The following TMEM50B variants were observed in gnomAD, a reference collection of about 807,000 sequenced individuals.
The protein encoded by TMEM50B is HCV p7-trans-regulated protein 3.
Under a neutral mutation model 23.4 loss-of-function variants are expected in TMEM50B, and 14 were observed. That is an observed-to-expected ratio of 0.60 (90% confidence interval 0.39 to 0.93). The LOEUF is 0.93. Ranked by LOEUF, TMEM50B falls within the 40% of genes least tolerant of loss-of-function variation. The pLI, the probability that TMEM50B is intolerant of heterozygous loss-of-function variation, is 0.00. For missense variants in TMEM50B, 159 were observed against 193.0 expected (o/e 0.82, Z 1.04); for synonymous variants, 64 against 62.3 (o/e 1.03, Z -0.13).
In TMEM50B at chr21:33,436,926, G is replaced by A. The variant is rs17885407; in HGVS notation, c.*2120+2288C>T. 4,212 of 1,613,946 alleles carry A rather than the reference G, an allele frequency of 2.6e-3. 12 individuals carry two copies. Among genetic ancestry groups the A allele is most frequent in the Non-Finnish European group, 3.4e-3 (3,960 of 1,179,970 alleles). On this transcript the variant is annotated intron_variant and NMD_transcript_variant, in intron 8 of 8. Coordinates refer to the TMEM50B transcript ENST00000420455. ...ACTCTGTGTCCATTATCTCGTTTCC[G>A]GAAAAGGAGCAAGAAGATGTTCTCC... is the stretch of plus-strand genomic sequence containing the variant.
intron 4 of TMEM50B, among the ~76,000 whole-genome samples, chr21:33,461,600 T>TC (rs2084217211): frequency 6.6e-6 from 1 of 152,002 alleles, no homozygotes; most frequent in Admixed American, 6.6e-5. Context: ...GCTCAGGAGT[T>TC]CGAGACCAGC....
intron 7 of TMEM50B, among the ~76,000 whole-genome samples, chr21:33,442,064 C>T (rs1359354002): frequency 1.3e-5 from 2 of 152,200 alleles, no homozygotes; most frequent in Non-Finnish European, 2.9e-5. Context: ...ATTCTGACAA[C>T]TTCCACACTA....
At chr21:33,464,804 C>CCAAAAAAAAAAAAAAAAAA (rs2084249852) in intron 4 of TMEM50B, among the ~76,000 whole-genome samples, 1 of 100,896 alleles carries the variant, frequency 9.9e-6, no homozygotes, top group Non-Finnish European at 2.2e-5. Flanking sequence ...AACTCCGTCT[C>CCAAAAAAAAAAAAAAAAAA]AAAAAAAAAA....
intron 8 of TMEM50B, chr21:33,437,071 T>G: frequency 9.0e-7 from 1 of 1,111,334 alleles, no homozygotes; most frequent in East Asian, 2.4e-5. Context: ...TTGCTGCCTC[T>G]AAAAGGCCTG....
At chr21:33,466,208 C>T (rs1345569285) in intron 3 of TMEM50B, among the ~76,000 whole-genome samples, 1 of 152,084 alleles carries the variant, frequency 6.6e-6, no homozygotes, top group Non-Finnish European at 1.5e-5. Flanking sequence ...TTGCAGTGAG[C>T]CAAGATCACA....
intron 7 of TMEM50B, among the ~76,000 whole-genome samples, chr21:33,440,501 T>C (rs2083998668): frequency 6.6e-6 from 1 of 151,034 alleles, no homozygotes; most frequent in Non-Finnish European, 1.5e-5. Flanking sequence ...GCGAAGGGAA[T>C]TGCTTGAACC....
At chr21:33,467,679 A>C (rs1437283119) in intron 2 of TMEM50B, among the ~76,000 whole-genome samples, 1 of 152,196 alleles carries the variant, frequency 6.6e-6, no homozygotes, top group Non-Finnish European at 1.5e-5. Flanking sequence ...ATGTGCCTCT[A>C]ATCCTAGCTA....
chr21:33,473,598 C>T (rs1268171014), intron 1 of TMEM50B, among the ~76,000 whole-genome samples: 1 of 150,624 alleles, frequency 6.6e-6, no homozygotes, highest in Non-Finnish European at 1.5e-5. Context: ...ATCACTTGTG[C>T]CCAGAAGTTC....
At chr21:33,436,448 C>T (rs757678918) in intron 8 of TMEM50B, among the ~76,000 whole-genome samples, 3 of 150,214 alleles carry the variant, frequency 2.0e-5, no homozygotes, top group Admixed American at 6.6e-5. Context: ...GTAGGCCAGG[C>T]GTAGTGGCTC....
At chr21:33,447,711 CACACACACAT>C (rs780706765), downstream of TMEM50B, among the ~76,000 whole-genome samples, 4 of 111,684 alleles carry the variant, frequency 3.6e-5, no homozygotes, top group Admixed American at 9.6e-5. Context: ...CACACACACA[CACACACACAT>C]ATATATATAT....
downstream of TMEM50B, among the ~76,000 whole-genome samples, chr21:33,444,335 C>T (rs2084033889): frequency 6.6e-6 from 1 of 152,130 alleles, no homozygotes; most frequent in Non-Finnish European, 1.5e-5. Flanking sequence ...ACCGCTTGAG[C>T]TCAGGAGCTC....
At chr21:33,456,328 G>A (rs2084168087) in intron 5 of TMEM50B, among the ~76,000 whole-genome samples, 1 of 152,086 alleles carries the variant, frequency 6.6e-6, no homozygotes, top group Non-Finnish European at 1.5e-5. Context: ...CGTCCCAAGT[G>A]GATGGGACTA....
intron 8 of TMEM50B, among the ~76,000 whole-genome samples, chr21:33,435,836 T>C (rs1263340677): frequency 3.3e-5 from 4 of 119,644 alleles, no homozygotes; most frequent in Admixed American, 2.4e-4. Context: ...TGAGCTGAGA[T>C]CCACGCCACT....
intron 7 of TMEM50B, among the ~76,000 whole-genome samples, chr21:33,441,038 T>C (rs946410693): frequency 6.6e-6 from 1 of 151,956 alleles, no homozygotes; most frequent in Non-Finnish European, 1.5e-5. Flanking sequence ...AAGATCAGTC[T>C]GGCCAACAAG....
intron 8 of TMEM50B, among the ~76,000 whole-genome samples, chr21:33,438,492 A>AT (rs1364857651): frequency 2.0e-5 from 3 of 151,972 alleles, no homozygotes; most frequent in Non-Finnish European, 4.4e-5. Context: ...TGTTCAAAGG[A>AT]TATGTATTTA....
At chr21:33,451,278 T>A (rs1363098906) in intron 6 of TMEM50B, among the ~76,000 whole-genome samples, 2 of 152,226 alleles carry the variant, frequency 1.3e-5, no homozygotes, top group East Asian at 1.9e-4. Context: ...CAGACCATGC[T>A]GCAATTCTTC....
At chr21:33,454,021 TGAGCCTGGGAGGCA>T in intron 6 of TMEM50B, among the ~76,000 whole-genome samples, 1 of 147,390 alleles carries the variant, frequency 6.8e-6, no homozygotes, top group Middle Eastern at 3.6e-3. Flanking sequence ...CGGAATTGCT[TGAGCCTGGGAGGCA>T]GAGGTTGCAT....
chr21:33,451,536 G>A (rs747517730), intron 6 of TMEM50B, among the ~76,000 whole-genome samples: 1 of 152,226 alleles, frequency 6.6e-6, no homozygotes, highest in African/African-American at 2.4e-5. Flanking sequence ...TTCCTGAGGA[G>A]TGGTGACTGA....
At chr21:33,468,247 T>TAA (rs5843608) in intron 2 of TMEM50B, among the ~76,000 whole-genome samples, 5 of 151,630 alleles carry the variant, frequency 3.3e-5, no homozygotes, top group Non-Finnish European at 1.5e-5. Flanking sequence ...CAATTAAAGT[T>TAA]AAAAAATGAT....
Sources: allele counts gnomAD v4.1 joint callset (sites outside exome capture counted in the v4.1 genomes callset), GRCh38; gene constraint gnomAD v4.1.1; transcripts MANE v1.5; gene names NCBI Gene and HGNC (gene_info 2026-07-23, HGNC 2026-07-21).